RALYL: variants seen among roughly 807,000 people sequenced by gnomAD.
RALYL encodes the protein RALY RNA binding protein like.
A neutral mutation model predicts 35.1 loss-of-function variants in RALYL; 29 were observed. That is an observed-to-expected ratio of 0.83 (90% CI 0.61 to 1.13). RALYL has a LOEUF of 1.13. Among genes scored for constraint, RALYL ranks in the 50% most tolerant of loss-of-function variants. The pLI, the probability that RALYL is intolerant of heterozygous loss-of-function variation, is 0.00. For synonymous variants in RALYL, 120 were observed against 127.6 expected, an observed-to-expected ratio of 0.94 and a Z score of 0.40; for missense variants, 359 against 360.4, an observed-to-expected ratio of 1.00 and a Z score of 0.03.
chr8:84,610,925 G>A lies in RALYL; in HGVS notation c.256+81348G>A, dbSNP rs181975035. On this transcript the variant is annotated intron_variant, in intron 2 of 8. Coordinates refer to ENST00000521268, the MANE Select transcript of RALYL (RefSeq NM_173848.7). ...TTTAGCATTTTCTTACTTTGTGGCA[G>A]TACAAGATGCTCCAGGTTCAGTTTG... is the stretch of plus-strand genomic sequence containing the variant. Among the ~76,000 whole-genome samples the A allele has an allele frequency of 4.1e-5, 6 of 144,798 alleles. No individual in the cohort carries two copies. In the East Asian group the frequency reaches 1.2e-3, roughly 29 times the overall value. 95.0% of individuals were successfully genotyped at this position (144,798 alleles called of 152,430 possible).
In RALYL at chr8:84,680,757, G is replaced by A. The variant is rs985662514; in HGVS notation, c.257-93822G>A. Among the ~76,000 whole-genome samples, 16 of 152,114 alleles carry A rather than the reference G, an allele frequency of 1.1e-4. No individual in the cohort carries two copies. In the East Asian group the frequency reaches 1.4e-3, roughly 13 times the overall value. On this transcript the variant is annotated intron_variant, in intron 2 of 8. Coordinates refer to ENST00000521268, the MANE Select transcript of RALYL (RefSeq NM_173848.7). ...TGTAGATTCTGGATATTAGCCCTTC[G>A]TCAGATGAGTAGGTTGCAAAAATTT...
intron 2 of RALYL, among the ~76,000 whole-genome samples, chr8:84,713,681 T>C (rs1360537099): frequency 6.6e-6 from 1 of 151,814 alleles, no homozygotes; most frequent in Non-Finnish European, 1.5e-5. Context: ...TGAAGTTTCC[T>C]CATAAAATAA....
intron 1 of RALYL, among the ~76,000 whole-genome samples, chr8:84,263,889 T>A (rs1236888804): frequency 2.6e-5 from 4 of 152,162 alleles, no homozygotes; most frequent in Admixed American, 2.6e-4. Flanking sequence ...CCTGCATTAG[T>A]TTGTTGAGGA....
intron 1 of RALYL, among the ~76,000 whole-genome samples, chr8:84,490,252 G>C (rs1239040773): frequency 6.6e-6 from 1 of 151,802 alleles, no homozygotes; most frequent in Non-Finnish European, 1.5e-5. Context: ...TTCTAAATTT[G>C]CCTTTATACC....
At chr8:84,711,502 A>T (rs1842180599) in intron 2 of RALYL, among the ~76,000 whole-genome samples, 1 of 152,186 alleles carries the variant, frequency 6.6e-6, no homozygotes, top group African/African-American at 2.4e-5. Context: ...TTATCTTCTT[A>T]TAAATATCCT....
At chr8:84,592,928 G>C (rs147975168) in intron 2 of RALYL, among the ~76,000 whole-genome samples, 5 of 152,074 alleles carry the variant, frequency 3.3e-5, no homozygotes, top group African/African-American at 9.7e-5. Context: ...TAGCTTGAAG[G>C]TTGTTTGAGA....
Position 84,446,934 on chromosome 8 carries a change from TA to T in RALYL, c.-23-82364del, listed in dbSNP as rs200296867. ...CCAAAACTGCAATAAAAATTGTTAATATTTTTTATTTCTATAATTCACACGC... is the reference window on the plus strand; with the variant it reads ...CCAAAACTGCAATAAAAATTGTTAATTTTTTTATTTCTATAATTCACACGC... On this transcript the variant is annotated intron_variant, in intron 1 of 8. Transcript: ENST00000521268. Among the ~76,000 whole-genome samples the T allele has an allele frequency of 3.4e-3, 525 of 152,232 alleles. 4 individuals are homozygous for T. The highest frequency in any genetic ancestry group is 0.012 in the African/African-American group (510 of 41,554).
chr8:84,406,361 C>T (rs1473513389), intron 1 of RALYL, among the ~76,000 whole-genome samples: 1 of 151,870 alleles, frequency 6.6e-6, no homozygotes, highest in Non-Finnish European at 1.5e-5. Flanking sequence ...AGTTATATTG[C>T]CTCTTGTGAC....
At chr8:84,484,766 TTAAC>T (rs2035476800) in intron 1 of RALYL, among the ~76,000 whole-genome samples, 1 of 152,154 alleles carries the variant, frequency 6.6e-6, no homozygotes, top group Non-Finnish European at 1.5e-5. Flanking sequence ...ATTATCAACA[TTAAC>T]TAAAGTCATA....
At chr8:84,617,953 A>C (rs1370040599) in intron 2 of RALYL, among the ~76,000 whole-genome samples, 7 of 151,802 alleles carry the variant, frequency 4.6e-5, no homozygotes, top group African/African-American at 1.5e-4. Context: ...CCACTTGATC[A>C]TGGTGGATAA....
At chr8:84,618,229 CTT>C (rs1218047629) in intron 2 of RALYL, among the ~76,000 whole-genome samples, 1 of 151,648 alleles carries the variant, frequency 6.6e-6, no homozygotes, top group Non-Finnish European at 1.5e-5. Context: ...GTCCTGGACT[CTT>C]TTTGGTTGGT....
At chr8:84,868,745 G>A (rs903209400) in intron 6 of RALYL, among the ~76,000 whole-genome samples, 1 of 151,904 alleles carries the variant, frequency 6.6e-6, no homozygotes, top group Non-Finnish European at 1.5e-5. Flanking sequence ...GATGTATGTA[G>A]GCATAAGTAT....
chr8:84,811,792 C>T (rs189845876), intron 4 of RALYL, among the ~76,000 whole-genome samples: 102 of 152,252 alleles, frequency 6.7e-4, no homozygotes, highest in African/African-American at 2.3e-3. Context: ...CTTTCTTCTA[C>T]TTGTTCATTT....
intron 1 of RALYL, among the ~76,000 whole-genome samples, chr8:84,450,370 C>T (rs1242202269): frequency 4.0e-5 from 6 of 151,732 alleles, no homozygotes; most frequent in Non-Finnish European, 8.8e-5. Flanking sequence ...CTCAATATAG[C>T]AGTAATGCCC....
intron 1 of RALYL, among the ~76,000 whole-genome samples, chr8:84,380,880 C>T (rs558029471): frequency 1.3e-5 from 2 of 151,908 alleles, no homozygotes; most frequent in Non-Finnish European, 2.9e-5. Flanking sequence ...TTACCTGCAG[C>T]AAGGGCTCCG....
intron 2 of RALYL, among the ~76,000 whole-genome samples, chr8:84,676,407 C>A (rs1564354919): frequency 1.3e-5 from 2 of 152,136 alleles, no homozygotes. Flanking sequence ...GGCATAACCC[C>A]TTTTTTCCTA....
chr8:84,339,464 T>C lies in RALYL; in HGVS notation c.-24+155040T>C, dbSNP rs545933490. ...CTTATGAAAATCTAATGCCTGATGT[T>C]CTGTCATTGTCTCCCAGATGGGACC... On this transcript the variant is annotated intron_variant, in intron 1 of 8. Transcript: ENST00000521268. Among the ~76,000 whole-genome samples, 12 of 152,048 alleles carry C rather than the reference T, an allele frequency of 7.9e-5. No individual in the cohort carries two copies. The South Asian group carries it at 2.5e-3, about 32-fold the overall frequency.
chr8:84,446,415 T>G (rs1033251753), intron 1 of RALYL, among the ~76,000 whole-genome samples: 1 of 152,072 alleles, frequency 6.6e-6, no homozygotes, highest in Non-Finnish European at 1.5e-5. Context: ...ATCGTTATAT[T>G]CATGGATCTA....
chr8:84,191,167 CGTGTGTGTGTGTGATTGTGTGT>C (rs2130869277), intron 1 of RALYL, among the ~76,000 whole-genome samples: 1 of 128,716 alleles, frequency 7.8e-6, no homozygotes, highest in South Asian at 2.5e-4. Context: ...TTGTATGTGT[CGTGTGTGTGTGTGATTGTGTGT>C]GTGTGTGTGT....
Sources: gnomAD v4.1 joint callset for allele counts (sites outside exome capture counted in the v4.1 genomes callset) on GRCh38, gnomAD v4.1.1 for gene constraint, MANE v1.5 for transcripts, NCBI Gene and HGNC (gene_info 2026-07-23, HGNC 2026-07-21) for gene names.